Variants in AP1M1 observed in about 807,000 individuals in gnomAD.
The protein encoded by AP1M1 is adaptor related protein complex 1 subunit mu 1.
Under a neutral mutation model 57.1 loss-of-function variants are expected in AP1M1, and 18 were observed. The observed-to-expected ratio is 0.32, with a 90% CI of 0.22 to 0.47. AP1M1 has a LOEUF of 0.47. Among genes scored for constraint, AP1M1 ranks in the 20% least tolerant of loss-of-function variants. The pLI is 1.00. For missense variants in AP1M1, 362 were observed against 593.5 expected (o/e 0.61, Z 4.05); for synonymous variants, 241 against 237.9 (o/e 1.01, Z -0.12).
chr19:16,218,483 G>A (rs1275628831), intron 5 of AP1M1, among the ~76,000 whole-genome samples: 1 of 152,202 alleles, frequency 6.6e-6, no homozygotes, highest in East Asian at 1.9e-4. Flanking sequence ...CTGGGAGCCA[G>A]GAATGATTCC....
chr19:16,227,983 C>G lies in AP1M1; in HGVS notation c.817-154C>G, dbSNP rs1355532355. 6.6e-6 allele frequency among the ~76,000 whole-genome samples: 1 copy of G among 152,254 alleles called. No homozygotes were observed. Among genetic ancestry groups the G allele is most frequent in the Non-Finnish European group, 1.5e-5 (1 of 68,052 alleles). The stretch of plus-strand genomic sequence containing the variant: ...TCCCGGCTACCTCGGCCTGTCTGCC[C>G]TGGCCCTCCCTGACGCTGGCTGTAC... On this transcript the variant is annotated intron_variant, in intron 7 of 11. Coordinates refer to ENST00000291439, the MANE Select transcript of AP1M1 (RefSeq NM_032493.4). This position sits in a 1 kb window ranked among gnomAD's most constrained non-coding sequence, Gnocchi z 6.2.
intron 5 of AP1M1, 91 bp downstream of exon 5, chr19:16,209,268 A>G: frequency 6.9e-7 from 1 of 1,457,276 alleles, no homozygotes; most frequent in Non-Finnish European, 9.4e-7. Flanking sequence ...AAGCCCCGAG[A>G]GCCGTTCTGT....
intron 5 of AP1M1, among the ~76,000 whole-genome samples, chr19:16,225,814 A>G (rs1185736905): frequency 6.6e-6 from 1 of 152,124 alleles, no homozygotes; most frequent in African/African-American, 2.4e-5. Flanking sequence ...AGGAAGCACC[A>G]TCTCTCATAA....
chr19:16,231,406 G>A (rs1166445610), intron 9 of AP1M1, among the ~76,000 whole-genome samples: 2 of 148,730 alleles, frequency 1.3e-5, no homozygotes, highest in Non-Finnish European at 3.0e-5. Flanking sequence ...TTTTTTTTAG[G>A]TTAGTTTTTT....
In AP1M1 at chr19:16,198,032, C is replaced by T; in HGVS notation, c.6C>T (p.Ser2=). 2.5e-6 allele frequency: 4 copies of T among 1,599,468 alleles called. No homozygotes were observed. Among genetic ancestry groups the T allele is most frequent in the East Asian group, 2.3e-5 (1 of 42,616 alleles). ...CGAGGCCTCCTGCAGCCATCATGTCCGCCAGCGCCGTCTACGTGCTGGACC... is the reference window on the plus strand; with the variant it reads ...CGAGGCCTCCTGCAGCCATCATGTCTGCCAGCGCCGTCTACGTGCTGGACC... M[S]ASAVYVLDLK... is the part of the protein sequence containing the mutation. The change falls in exon 1 of 12, where the codon TCC becomes TCT. Residue 2 remains serine (S), a synonymous_variant. Transcript: ENST00000291439.
In AP1M1 at chr19:16,234,243, G is replaced by A. The variant is rs1257734079; in HGVS notation, c.1218G>A (p.Leu406=). ...TTGAGAAGAGTGGGTACCAGGCCCT[G>A]CCCTGGGTGCGTTATATCACGCAGA... The part of the protein sequence containing the change: ...KIIEKSGYQA[L]PWVRYITQNG... Residue 406 remains leucine (L), a synonymous_variant, in exon 11 of 12, where the codon CTG becomes CTA. Coordinates refer to ENST00000291439, the MANE Select transcript of AP1M1 (RefSeq NM_032493.4). The A allele has an allele frequency of 6.2e-7, 1 of 1,613,970 alleles. No individual in the cohort carries two copies. Among genetic ancestry groups the A allele is most frequent in the Non-Finnish European group, 8.5e-7 (1 of 1,179,932 alleles).
At chr19:16,231,457 A>C (rs1435398762) in intron 9 of AP1M1, among the ~76,000 whole-genome samples, 1 of 150,878 alleles carries the variant, frequency 6.6e-6, no homozygotes, top group Non-Finnish European at 1.5e-5. Flanking sequence ...CCCAGGCTGG[A>C]GTGCAGAGGC....
intron 9 of AP1M1, among the ~76,000 whole-genome samples, chr19:16,230,577 T>A (rs1314539375): frequency 6.6e-6 from 1 of 152,160 alleles, no homozygotes; most frequent in Non-Finnish European, 1.5e-5. Flanking sequence ...ATTTTTGTAT[T>A]TTTAATAGAG....
chr19:16,220,490 A>G (rs2091539439), intron 5 of AP1M1, among the ~76,000 whole-genome samples: 1 of 152,128 alleles, frequency 6.6e-6, no homozygotes, highest in Non-Finnish European at 1.5e-5. Flanking sequence ...TCCCAGGTTC[A>G]AGCGATTCTC....
intron 5 of AP1M1, among the ~76,000 whole-genome samples, chr19:16,217,051 G>A (rs285272): frequency 0.015 from 2,275 of 152,268 alleles, 55 homozygotes; most frequent in African/African-American, 0.052. Context: ...CAGGGGCCAC[G>A]CTGGCAACTG....
intron 9 of AP1M1, among the ~76,000 whole-genome samples, chr19:16,231,633 G>A (rs1035673269): frequency 7.3e-5 from 11 of 151,124 alleles, no homozygotes; most frequent in South Asian, 6.3e-4. Flanking sequence ...TTTCGCTATT[G>A]TTGCTCAGGC....
rs1032903133 is a variant in AP1M1, at chr19:16,227,036, G to A, written c.673+489G>A. ...TCCCACTCAGCTGTCACAGGCCACT[G>A]GAAGAGGGTGCAGTGGCTGGGCATG... On this transcript the variant is annotated intron_variant, in intron 6 of 11. Transcript: ENST00000291439. The surrounding 1 kb of genome is among the most constrained non-coding windows in gnomAD (Gnocchi z 6.2). Among the ~76,000 whole-genome samples the A allele has an allele frequency of 6.6e-6, 1 of 152,200 alleles. No individual in the cohort carries two copies. The highest frequency in any genetic ancestry group is 2.4e-5 in the African/African-American group (1 of 41,466).
At chr19:16,233,172 A>G (rs1273600869) in intron 9 of AP1M1, among the ~76,000 whole-genome samples, 3 of 152,170 alleles carry the variant, frequency 2.0e-5, no homozygotes, top group Non-Finnish European at 4.4e-5. Flanking sequence ...AGGAAAGTGC[A>G]TTAGGGGAGC....
intron 1 of AP1M1, among the ~76,000 whole-genome samples, chr19:16,199,104 G>A (rs2091437005): frequency 6.6e-6 from 1 of 152,104 alleles, no homozygotes; most frequent in African/African-American, 2.4e-5. Flanking sequence ...CATGTGCCAG[G>A]GCTCAACAAT....
At chr19:16,232,707 C>T (rs1462954696) in intron 9 of AP1M1, among the ~76,000 whole-genome samples, 1 of 152,224 alleles carries the variant, frequency 6.6e-6, no homozygotes, top group African/African-American at 2.4e-5. Flanking sequence ...GAGGCAGAAA[C>T]AGCCCTAGGC....
At position 16,234,444 on chromosome 19, in the gene AP1M1, C is replaced by T. The variant is rs377712548; in HGVS notation, c.*9C>T. On this transcript the variant is annotated 3_prime_UTR_variant, in exon 12 of 12. Coordinates refer to ENST00000291439, the MANE Select transcript of AP1M1 (RefSeq NM_032493.4). ...AGCTCCGGACCCAGTGAGGGGCTGT[C>T]GCAGCCAACACCCCGGCCTCGGGGC... 8.7e-6 allele frequency: 14 copies of T among 1,613,502 alleles called. No individual in the cohort carries two copies. Among genetic ancestry groups the T allele is most frequent in the East Asian group, 4.5e-5 (2 of 44,888 alleles).
chr19:16,226,771 G>C (rs921666902), intron 6 of AP1M1: 1 of 552,448 alleles, frequency 1.8e-6, no homozygotes, highest in South Asian at 3.1e-5. Context: ...GGAGGCCCCC[G>C]TCACCCGGCC....
rs1188390340 is a variant in AP1M1 at position 16,235,964 on chromosome 19, C to G, written c.*1529C>G. ...TCGTCCTCAGGTGTCTAGTGGGCAT[C>G]CGACCTAACAGCCTGAGTAGAACCT... On this transcript the variant is annotated 3_prime_UTR_variant, in exon 12 of 12. Transcript: ENST00000291439. 6.6e-6 allele frequency: 1 copy of G among 152,340 alleles called. No individual in the cohort carries two copies. Among genetic ancestry groups the G allele is most frequent in the East Asian group, 1.9e-4 (1 of 5,196 alleles). The allele number at this position is 152,340 out of a possible 1,614,324, so 9.4% of individuals were successfully genotyped here. A position where few individuals can be genotyped will look rare whatever the true frequency, so the allele number is the denominator to read the frequency against.
chr19:16,228,705 C>T lies in AP1M1; in HGVS notation c.889-65C>T. 1.3e-6 allele frequency: 2 copies of T among 1,593,472 alleles called. No homozygotes were observed. The highest frequency in any genetic ancestry group is 4.5e-5 in the East Asian group (2 of 44,550). On this transcript the variant is annotated intron_variant, in intron 8 of 11. Transcript: ENST00000291439. The surrounding 1 kb of genome is among the most constrained non-coding windows in gnomAD (Gnocchi z 5.0). ...CCGGGCCAGGCTGAGGGGCATGTGT[C>T]CTGGAGAGGCTGGCCAGCTCACCTT... is the stretch of plus-strand genomic sequence containing the variant.
Sources: allele counts gnomAD v4.1 joint callset (sites outside exome capture counted in the v4.1 genomes callset), GRCh38; gene constraint gnomAD v4.1.1; non-coding constraint Gnocchi (gnomAD v3.1); transcripts MANE v1.5; gene names NCBI Gene and HGNC (gene_info 2026-07-23, HGNC 2026-07-21).